Variants in CREBBP observed in about 807,000 individuals in gnomAD.
CREBBP encodes CREB binding lysine acetyltransferase.
CREBBP carries 19 observed loss-of-function variants against 265.0 expected under a neutral mutation model. The ratio of observed to expected loss-of-function variants is 0.07; its 90% confidence interval spans 0.05 to 0.11. CREBBP has a LOEUF of 0.11. Among genes scored for constraint, CREBBP ranks in the 10% least tolerant of loss-of-function variants. The probability of loss-of-function intolerance (pLI) is 1.00; values close to 1 mark genes in which losing one functional copy is unlikely to be tolerated. For missense variants in CREBBP, 2,525 were observed against 3,219.0 expected (o/e 0.78, Z 5.22); for synonymous variants, 1,457 against 1,223.7 (o/e 1.19, Z -3.98).
chr16:3,756,704 C>G (rs1009253967), intron 19 of CREBBP, among the ~76,000 whole-genome samples: 2 of 152,212 alleles, frequency 1.3e-5, no homozygotes, highest in Non-Finnish European at 2.9e-5. Context: ...GGAAGCAGCA[C>G]TCATGCAAGT....
rs878903994 is a variant in CREBBP, at chr16:3,774,459, T to C, written c.2283+110A>G. ...GAAAGAAATAAAGCATAACCCAAAT[T>C]CAAAGGAACAAGAACCACAGGATTC... On this transcript the variant is annotated intron_variant, in intron 12 of 30. Coordinates refer to ENST00000262367, the MANE Select transcript of CREBBP (RefSeq NM_004380.3). 49 of 1,467,236 alleles carry C rather than the reference T, an allele frequency of 3.3e-5. No individual in the cohort carries two copies. The South Asian group carries it at 5.5e-4, about 17-fold the overall frequency. 90.9% of individuals were successfully genotyped at this position (1,467,236 alleles called of 1,614,324 possible).
chr16:3,772,549 C>A (rs985930357), intron 13 of CREBBP, among the ~76,000 whole-genome samples: 1 of 152,120 alleles, frequency 6.6e-6, no homozygotes, highest in African/African-American at 2.4e-5. Flanking sequence ...TGGCACACAG[C>A]CACCTCATTT....
intron 2 of CREBBP, among the ~76,000 whole-genome samples, chr16:3,818,217 C>A (rs777599644): frequency 1.3e-5 from 2 of 151,810 alleles, no homozygotes; most frequent in African/African-American, 2.4e-5. Flanking sequence ...AATGGCACTG[C>A]GACGCAGAAC....
chr16:3,851,594 C>T (rs1363027454), intron 1 of CREBBP, among the ~76,000 whole-genome samples: 1 of 152,062 alleles, frequency 6.6e-6, no homozygotes, highest in Non-Finnish European at 1.5e-5. Context: ...GTGGCTCAAG[C>T]CTGTAATCCC....
intron 1 of CREBBP, among the ~76,000 whole-genome samples, chr16:3,856,754 A>C (rs2054972696): frequency 6.6e-6 from 1 of 152,202 alleles, no homozygotes; most frequent in Non-Finnish European, 1.5e-5. Context: ...GGATGAAGAG[A>C]CCGTGTCAAG....
At chr16:3,776,650 T>C (rs554173659) in intron 11 of CREBBP, among the ~76,000 whole-genome samples, 145 of 152,094 alleles carry the variant, frequency 9.5e-4, no homozygotes, top group African/African-American at 3.4e-3. Flanking sequence ...CCTCCCCACA[T>C]CTAGGGTGCT....
At chr16:3,732,505 A>G (rs1269728799) in intron 28 of CREBBP, among the ~76,000 whole-genome samples, 1 of 152,204 alleles carries the variant, frequency 6.6e-6, no homozygotes, top group Non-Finnish European at 1.5e-5. Context: ...CTCTCAGCCC[A>G]CAGGCTCCTC....
chr16:3,854,176 G>A (rs760904453), intron 1 of CREBBP, among the ~76,000 whole-genome samples: 13 of 152,084 alleles, frequency 8.5e-5, no homozygotes, highest in Non-Finnish European at 1.6e-4. Flanking sequence ...CCACGATCAC[G>A]TTCCCCTTTG....
At chr16:3,865,330 T>C (rs1007782151) in intron 1 of CREBBP, among the ~76,000 whole-genome samples, 18 of 152,072 alleles carry the variant, frequency 1.2e-4, no homozygotes, top group African/African-American at 4.3e-4. Flanking sequence ...TGTCCACCAG[T>C]GGGGAGAGGA....
At chr16:3,860,115 G>A (rs762695491) in intron 1 of CREBBP, among the ~76,000 whole-genome samples, 4 of 151,474 alleles carry the variant, frequency 2.6e-5, no homozygotes, top group South Asian at 4.2e-4. Context: ...GTGCCTACTC[G>A]GTGTGTGTGT....
At chr16:3,787,331 C>T (rs954817861) in intron 5 of CREBBP, among the ~76,000 whole-genome samples, 1 of 152,130 alleles carries the variant, frequency 6.6e-6, no homozygotes, top group Non-Finnish European at 1.5e-5. Flanking sequence ...GTGACACTGG[C>T]GCAGTGACAC....
chr16:3,855,150 A>G (rs2054932795), intron 1 of CREBBP, among the ~76,000 whole-genome samples: 1 of 152,264 alleles, frequency 6.6e-6, no homozygotes, highest in Non-Finnish European at 1.5e-5. Context: ...TGAGATTACA[A>G]GATCCAAGAT....
chr16:3,847,452 C>T (rs2054691113), intron 2 of CREBBP, among the ~76,000 whole-genome samples: 1 of 152,118 alleles, frequency 6.6e-6, no homozygotes, highest in South Asian at 2.1e-4. Flanking sequence ...TACTTTCTGC[C>T]CACCACTACT....
Position 3,771,201 on chromosome 16 carries a change from A to T in CREBBP, c.2464-215T>A, listed in dbSNP as rs576834805. Among the ~76,000 whole-genome samples, 5 of 151,936 alleles carry T rather than the reference A, an allele frequency of 3.3e-5. No individual in the cohort carries two copies. The South Asian group carries it at 1.0e-3, about 32-fold the overall frequency. ...CTCCTGTCTCAGCTTCTCGAGTAGC[A>T]GGGATTACAGGTGCCCGTCACCACG... is the stretch of plus-strand genomic sequence containing the variant. On this transcript the variant is annotated intron_variant, in intron 13 of 30. Coordinates refer to ENST00000262367, the MANE Select transcript of CREBBP (RefSeq NM_004380.3).
chr16:3,802,114 ATTTTTTTTTTTTTTTTTTTTT>A (rs71133657), intron 3 of CREBBP, among the ~76,000 whole-genome samples: 10 of 50,580 alleles, frequency 2.0e-4, no homozygotes, highest in Admixed American at 7.4e-4. Context: ...GTATTCCTTA[ATTTTTTTTTTTTTTTTTTTTT>A]TTTTTTTTTT....
At chr16:3,819,237 T>C (rs896170247) in intron 2 of CREBBP, among the ~76,000 whole-genome samples, 10 of 152,260 alleles carry the variant, frequency 6.6e-5, no homozygotes, top group African/African-American at 2.4e-4. Flanking sequence ...GAATGGCGAC[T>C]CCACCACTTG....
intron 14 of CREBBP, 78 bp downstream of exon 14, chr16:3,770,492 G>T (rs928304705): frequency 6.6e-7 from 1 of 1,522,370 alleles, no homozygotes; most frequent in Non-Finnish European, 9.0e-7. Context: ...CACCGCGCCT[G>T]GCCTGACACA....
rs1442714443 is a variant in CREBBP, at chr16:3,880,235, C to T, written c.-319G>A. ...GGGGGCGCCCCGGCGGCCCGGCCGC[C>T]CCCCCGGGCCCGGCTGGCAGCGACG... On this transcript the variant is annotated 5_prime_UTR_variant, in exon 1 of 31. Transcript: ENST00000262367. The T allele has an allele frequency of 7.1e-6, 1 of 141,238 alleles. No homozygotes were observed. Among genetic ancestry groups the T allele is most frequent in the Non-Finnish European group, 1.6e-5 (1 of 63,626 alleles). The allele number at this position is 141,238 out of a possible 1,614,324, so 8.7% of individuals were successfully genotyped here.
At chr16:3,780,541 C>G (rs1415311786) in intron 8 of CREBBP, among the ~76,000 whole-genome samples, 191 bp downstream of exon 8, 1 of 152,162 alleles carries the variant, frequency 6.6e-6, no homozygotes, top group Non-Finnish European at 1.5e-5. Flanking sequence ...TTTGTCACCC[C>G]CGCTCACCGA....
Sources: gnomAD v4.1 joint callset for allele counts (sites outside exome capture counted in the v4.1 genomes callset) on GRCh38, gnomAD v4.1.1 for gene constraint, MANE v1.5 for transcripts, NCBI Gene and HGNC (gene_info 2026-07-23, HGNC 2026-07-21) for gene names.